C8G: variants seen among roughly 807,000 people sequenced by gnomAD.
C8G encodes complement C8 gamma chain, also known as complement component C8 gamma chain.
In C8G, 38 loss-of-function variants were observed where a neutral mutation model predicts 29.1. The observed-to-expected ratio is 1.31, with a 90% CI of 1.01 to 1.71. The LOEUF is 1.71. Ranked by LOEUF, C8G falls within the 40% of genes most tolerant of loss-of-function variation. The pLI is 0.00. For synonymous variants in C8G, 158 were observed against 113.2 expected, an observed-to-expected ratio of 1.40 and a Z score of -2.51; for missense variants, 300 against 267.4, an observed-to-expected ratio of 1.12 and a Z score of -0.85.
Position 136,946,004 on chromosome 9 carries a change from G to C in C8G, c.346+5G>C. The C allele has an allele frequency of 6.3e-7, 1 of 1,587,990 alleles. No homozygotes were observed. Among genetic ancestry groups the C allele is most frequent in the Non-Finnish European group, 8.6e-7 (1 of 1,167,072 alleles). On this transcript the variant is annotated splice_donor_5th_base_variant and intron_variant, in intron 3 of 6. Coordinates refer to ENST00000371634, the MANE Select transcript of C8G (RefSeq NM_000606.3). ...TCGGCCGCTTCCTGCTTCAAGGTGA[G>C]GCAGGGGCTGCAGGGCATGTGGGTG...
chr9:136,946,362 G>A (rs1851039950), intron 4 of C8G, 103 bp from the exon 5 acceptor site: 1 of 1,450,788 alleles, frequency 6.9e-7, no homozygotes. Flanking sequence ...TGGTGTGGGA[G>A]CAGGGAGAGG....
At position 136,945,747 on chromosome 9, in the gene C8G, G is replaced by A; in HGVS notation, c.252G>A (p.Met84Ile). 1 of 1,564,430 alleles carries A rather than the reference G, an allele frequency of 6.4e-7. No homozygotes were observed. The highest frequency in any genetic ancestry group is 1.2e-5 in the South Asian group (1 of 86,066). The change falls in exon 2 of 7, where the codon ATG (methionine) becomes ATA (isoleucine). Residue 84 changes from methionine (M) to isoleucine (I), a missense_variant. Met to Ile is a conservative substitution (Grantham distance 10). Coordinates refer to ENST00000371634, the MANE Select transcript of C8G (RefSeq NM_000606.3). The part of the protein sequence containing the change: ...TLHVAPQGTA[M>I]AVSTFRKLDG... ...ATGTGGCTCCCCAGGGCACAGCCAT[G>A]GCTGTCAGTACCTTCCGAAAGCTGT...
intron 5 of C8G, 41 bp downstream of exon 5, chr9:136,946,607 T>C: frequency 6.2e-7 from 1 of 1,612,890 alleles, no homozygotes; most frequent in Non-Finnish European, 8.5e-7. Flanking sequence ...CCACCCCCAC[T>C]CTCTGGGCTG....
chr9:136,946,264 GCTGGGTGAGCCCATGGGGACA>G lies in C8G; in HGVS notation c.454+74_454+94del, dbSNP rs1851036164. 13 of 1,415,608 alleles carry G rather than the reference GCTGGGTGAGCCCATGGGGACA, an allele frequency of 9.2e-6. No homozygotes were observed. The South Asian group carries it at 1.7e-4, about 18-fold the overall frequency. The allele number at this position is 1,415,608 out of a possible 1,614,324, so 87.7% of individuals were successfully genotyped here. ...CACACTCACTGGGCCACCCCGAGGG[GCTGGGTGAGCCCATGGGGACA>G]CACTTCCTTTCTCCCATCCTGATCC... On this transcript the variant is annotated intron_variant, in intron 4 of 6. Transcript: ENST00000371634.
Position 136,946,365 on chromosome 9 carries a change from G to A in C8G, c.455-100G>A, listed in dbSNP as rs576093252. The A allele has an allele frequency of 4.3e-4, 625 of 1,461,854 alleles. 1 individual carries two copies. The highest frequency in any genetic ancestry group is 5.4e-4 in the Non-Finnish European group (590 of 1,099,676). The allele number at this position is 1,461,854 out of a possible 1,614,324, so 90.6% of individuals were successfully genotyped here. A position where few individuals can be genotyped will look rare whatever the true frequency, so the allele number is the denominator to read the frequency against. On this transcript the variant is annotated intron_variant, in intron 4 of 6. Coordinates refer to ENST00000371634, the MANE Select transcript of C8G (RefSeq NM_000606.3). Reference sequence around the variant, plus strand: ...GACAGACAGGCCTGGTGTGGGAGCAGGGAGAGGGCCCCGAGGGGGCAGGGG... The same window carrying A: ...GACAGACAGGCCTGGTGTGGGAGCAAGGAGAGGGCCCCGAGGGGGCAGGGG...
intron 6 of C8G, 28 bp downstream of exon 6, chr9:136,946,717 G>A (rs1005497833): frequency 1.2e-5 from 20 of 1,610,318 alleles, no homozygotes; most frequent in Non-Finnish European, 1.7e-5. Context: ...CAAGCATGGC[G>A]GCGTGGTGAG....
chr9:136,945,867 C>T, intron 2 of C8G, 62 bp from the exon 3 acceptor site: 1 of 1,543,492 alleles, frequency 6.5e-7, no homozygotes, highest in South Asian at 1.2e-5. Context: ...CCGGCTGTGG[C>T]CTGGACTAGG....
chr9:136,945,688 G>A lies in C8G; in HGVS notation c.193G>A (p.Glu65Lys). Residue 65 changes from glutamate to lysine, a missense_variant, in exon 2 of 7, where the codon GAG becomes AAG. Transcript: ENST00000371634. ...AVGSACRFLQ[E>K]QGHRAEATTL... ...GGGCTCCGCTTGCCGTTTCCTGCAG[G>A]AGCAGGGCCACCGGGCCGAGGCCAC... 6.2e-7 allele frequency: 1 copy of A among 1,604,684 alleles called. No homozygotes were observed.
intron 6 of C8G, 36 bp downstream of exon 6, chr9:136,946,725 G>T: frequency 6.2e-7 from 1 of 1,609,846 alleles, no homozygotes. Flanking sequence ...GCGGCGTGGT[G>T]AGGGGGGCCA....
Position 136,946,453 on chromosome 9 carries a change from T to C in C8G, c.455-12T>C. 1 of 1,584,630 alleles carries C rather than the reference T, an allele frequency of 6.3e-7. No individual in the cohort carries two copies. The highest frequency in any genetic ancestry group is 1.2e-5 in the South Asian group (1 of 86,734). ...TGGTGCCAGGACCCCAGGAACCCTG[T>C]CTGCCCTGCAGCCCGCTCGCTCCCT... On this transcript the variant is annotated splice_polypyrimidine_tract_variant and intron_variant, in intron 4 of 6. Transcript: ENST00000371634.
Position 136,945,451 on chromosome 9 carries a change from C to A in C8G, c.131C>A (p.Ala44Asp). 6.4e-7 allele frequency: 1 copy of A among 1,574,302 alleles called. No homozygotes were observed. Among genetic ancestry groups the A allele is most frequent in the Admixed American group, 1.9e-5 (1 of 53,564 alleles). Residue 44 changes from alanine to aspartate, a missense_variant, in exon 1 of 7, where the codon GCT becomes GAT. Coordinates refer to ENST00000371634, the MANE Select transcript of C8G (RefSeq NM_000606.3). Reference protein sequence around the residue: ...STIQPKANFDAQQFAGTWLLV... With the variant: ...STIQPKANFDDQQFAGTWLLV... ...ATCCAGCCCAAGGCCAATTTTGATG[C>A]TCAGCAGGTAGAAGTTGGGGGGGGT...
chr9:136,946,424 C>T lies in C8G; in HGVS notation c.455-41C>T, dbSNP rs78772054. On this transcript the variant is annotated intron_variant, in intron 4 of 6. Transcript: ENST00000371634. The stretch of plus-strand genomic sequence containing the variant: ...ACCCCGTTTCCAGAGCCCTCCACGC[C>T]GCCTGGTGCCAGGACCCCAGGAACC... 2.5e-5 allele frequency: 38 copies of T among 1,538,502 alleles called. No homozygotes were observed. The East Asian group carries it at 6.3e-4, about 25-fold the overall frequency.
chr9:136,945,459 G>T lies in C8G; in HGVS notation c.138+1G>T. ...CAAGGCCAATTTTGATGCTCAGCAG[G>T]TAGAAGTTGGGGGGGGTAGAGGGAG... On this transcript the variant is annotated splice_donor_variant, in intron 1 of 6. Transcript: ENST00000371634. LOFTEE classifies it high-confidence loss of function. The T allele has an allele frequency of 6.4e-7, 1 of 1,567,130 alleles. No homozygotes were observed. Among genetic ancestry groups the T allele is most frequent in the Non-Finnish European group, 8.7e-7 (1 of 1,155,638 alleles).
At position 136,945,716 on chromosome 9, in the gene C8G, C is replaced by T. The variant is rs755307375; in HGVS notation, c.221C>T (p.Thr74Ile). Residue 74 changes from threonine (T) to isoleucine (I), a missense_variant, in exon 2 of 7, where the codon ACA (threonine) becomes ATA (isoleucine). Thr to Ile is a moderately conservative substitution (Grantham distance 89). Coordinates refer to ENST00000371634, the MANE Select transcript of C8G (RefSeq NM_000606.3). ...QEQGHRAEATTLHVAPQGTAM... is the reference protein window; with the variant it reads ...QEQGHRAEATILHVAPQGTAM... Reference sequence around the variant, plus strand: ...CAGGGCCACCGGGCCGAGGCCACCACACTGCATGTGGCTCCCCAGGGCACA... The same window carrying T: ...CAGGGCCACCGGGCCGAGGCCACCATACTGCATGTGGCTCCCCAGGGCACA... The T allele has an allele frequency of 1.3e-6, 2 of 1,586,306 alleles. No individual in the cohort carries two copies. The highest frequency in any genetic ancestry group is 1.3e-5 in the African/African-American group (1 of 74,450).
chr9:136,945,588 G>T, intron 1 of C8G, 46 bp from the exon 2 acceptor site: 1 of 1,593,048 alleles, frequency 6.3e-7, no homozygotes. Flanking sequence ...AGCAGGTGAG[G>T]GGCCCTCCCA....
In C8G at chr9:136,946,688, C is replaced by A. The variant is rs779956298; in HGVS notation, c.594C>A (p.Asp198Glu). The A allele has an allele frequency of 1.2e-6, 2 of 1,612,414 alleles. No individual in the cohort carries two copies. Among genetic ancestry groups the A allele is most frequent in the Non-Finnish European group, 1.7e-6 (2 of 1,179,964 alleles). The part of the protein sequence containing the change: ...CEAADQFHVL[D>E]EVRR ...CTGCAGACCAGTTCCACGTCCTGGA[C>A]GGTGAGTGCACAGCGGGGCAAGCAT... The change falls in exon 6 of 7, where the codon GAC (aspartate) becomes GAA (glutamate). Residue 198 changes from aspartate (D) to glutamate (E), a missense_variant and splice_region_variant. By Grantham distance (45) the Asp-to-Glu change is conservative (BLOSUM62 2). Coordinates refer to ENST00000371634, the MANE Select transcript of C8G (RefSeq NM_000606.3).
rs557797279 is a variant in C8G, at chr9:136,946,971, C to T, written c.*190C>T. ...GTACCTACTTATTAAATGTCTCAGA[C>T]CCCTCTCTGACTCTTCTGTCCACTC... On this transcript the variant is annotated 3_prime_UTR_variant, in exon 7 of 7. Transcript: ENST00000371634. 2.3e-4 allele frequency: 158 copies of T among 702,202 alleles called. No individual in the cohort carries two copies. The highest frequency in any genetic ancestry group is 1.4e-3 in the South Asian group (82 of 58,700). 43.5% of individuals were successfully genotyped at this position (702,202 alleles called of 1,614,324 possible). A position where few individuals can be genotyped will look rare whatever the true frequency, so the allele number is the denominator to read the frequency against.
rs1851057893 is a variant in C8G at position 136,946,953 on chromosome 9, C to G, written c.*172C>G. 2 of 775,158 alleles carry G rather than the reference C, an allele frequency of 2.6e-6. No homozygotes were observed. Among genetic ancestry groups the G allele is most frequent in the African/African-American group, 3.4e-5 (2 of 58,246 alleles). 48.0% of individuals were successfully genotyped at this position (775,158 alleles called of 1,614,324 possible). ...AGGACAGTGGGTGGAGTGGTACCTA[C>G]TTATTAAATGTCTCAGACCCCTCTC... On this transcript the variant is annotated 3_prime_UTR_variant, in exon 7 of 7. Coordinates refer to ENST00000371634, the MANE Select transcript of C8G (RefSeq NM_000606.3).
chr9:136,945,532 T>C, intron 1 of C8G, 74 bp downstream of exon 1: 7 of 1,511,666 alleles, frequency 4.6e-6, no homozygotes, highest in South Asian at 1.2e-5. Context: ...TAGAAGTTGT[T>C]GCGGGGGAGA....
Sources: gnomAD v4.1 joint callset for allele counts on GRCh38, gnomAD v4.1.1 for gene constraint, MANE v1.5 for transcripts, NCBI Gene and HGNC (gene_info 2026-07-23, HGNC 2026-07-21) for gene names.